Variants in GALNT6 observed in about 807,000 individuals in gnomAD.
GALNT6 encodes polypeptide N-acetylgalactosaminyltransferase 6.
A neutral mutation model predicts 65.9 loss-of-function variants in GALNT6; 51 were observed. The observed-to-expected ratio is 0.77, with a 90% CI of 0.62 to 0.98. The LOEUF is 0.98. GALNT6 is among the 50% of genes least tolerant of loss of function. The probability of loss-of-function intolerance (pLI) is 0.00; values close to 1 mark genes in which losing one functional copy is unlikely to be tolerated. For missense variants in GALNT6, 708 were observed against 803.3 expected (o/e 0.88, Z 1.43); for synonymous variants, 323 against 315.1 (o/e 1.02, Z -0.26).
At position 51,352,101 on chromosome 12, in the gene GALNT6, C is replaced by G. The variant is rs563665488; in HGVS notation, c.*2278G>C. 1 of 152,234 alleles carries G rather than the reference C, an allele frequency of 6.6e-6. No individual in the cohort carries two copies. The highest frequency in any genetic ancestry group is 1.5e-5 in the Non-Finnish European group (1 of 68,054). 9.4% of individuals were successfully genotyped at this position (152,234 alleles called of 1,614,324 possible). On this transcript the variant is annotated 3_prime_UTR_variant, in exon 12 of 12. Coordinates refer to ENST00000356317, the MANE Select transcript of GALNT6 (RefSeq NM_007210.4). ...AAGACAGCTGTGGTCCCATAGCACC[C>G]TCATCTGGTGACATCCTGCTACTGA... is the stretch of plus-strand genomic sequence containing the variant.
intron 9 of GALNT6, 114 bp from the exon 10 acceptor site, chr12:51,357,564 G>T: frequency 1.4e-6 from 1 of 696,966 alleles, no homozygotes. Flanking sequence ...AATTTGCATG[G>T]CTGGATTTCC....
rs373781227 is a variant in GALNT6 at position 51,357,415 on chromosome 12, C to A, written c.1536G>T (p.Val512=). The part of the protein sequence containing the change: ...KNLGTNQCLD[V]GENNRGGKPL... ...GCTTCCCCCCGCGGTTGTTCTCACCCACATCCAGGCATTGGTTGGTGCCGA... is the reference window on the plus strand; with the variant it reads ...GCTTCCCCCCGCGGTTGTTCTCACCAACATCCAGGCATTGGTTGGTGCCGA... The change falls in exon 10 of 12, where the codon GTG becomes GTT. Residue 512 remains valine (V), a synonymous_variant. Transcript: ENST00000356317. 9.9e-6 allele frequency: 16 copies of A among 1,613,944 alleles called. No individual in the cohort carries two copies. The highest frequency in any genetic ancestry group is 1.4e-5 in the Non-Finnish European group (16 of 1,179,918).
rs201767560 is a variant in GALNT6 at position 51,387,741 on chromosome 12, GACA to G, written c.-104+3106_-104+3108del. ...TCTCTAATCACCTAGAAGCCTTGGT[GACA>G]ACGAGACTGGGCTTGAGGGGGAGAG... On this transcript the variant is annotated intron_variant, in intron 2 of 11. Transcript: ENST00000356317. This position sits in a 1 kb window ranked among gnomAD's most constrained non-coding sequence, Gnocchi z 4.2. Among the ~76,000 whole-genome samples the G allele has an allele frequency of 0.016, 2,434 of 152,164 alleles. 29 individuals are homozygous for G. The highest frequency in any genetic ancestry group is 0.022 in the Non-Finnish European group (1,525 of 67,992).
In GALNT6 at chr12:51,360,803, G is replaced by C. The variant is rs1203962687; in HGVS notation, c.1085C>G (p.Ser362Cys). The change falls in exon 7 of 12, where the codon TCC (serine) becomes TGC (cysteine). Residue 362 changes from serine (S) to cysteine (C), a missense_variant. Coordinates refer to ENST00000356317, the MANE Select transcript of GALNT6 (RefSeq NM_007210.4). ...ACCGATGTGCTCAAAGTAGGACTTG[G>C]AGATGGAGAAGAGGCCACCAGCAAA... Reference protein sequence around the residue: ...PTFAGGLFSISKSYFEHIGTY... With the variant: ...PTFAGGLFSICKSYFEHIGTY... 2 of 1,613,604 alleles carry C rather than the reference G, an allele frequency of 1.2e-6. No homozygotes were observed. The highest frequency in any genetic ancestry group is 1.7e-6 in the Non-Finnish European group (2 of 1,179,558).
chr12:51,359,186 G>C lies in GALNT6; in HGVS notation c.1314C>G (p.Ser438Arg), dbSNP rs776752449. The C allele has an allele frequency of 6.2e-7, 1 of 1,614,160 alleles. No individual in the cohort carries two copies. The highest frequency in any genetic ancestry group is 8.5e-7 in the Non-Finnish European group (1 of 1,180,014). ...TTCTCCTATAGAAAATCTTCTTGTA[G>C]CTGTCCATCCAGACCTCTGCCAGGC... is the stretch of plus-strand genomic sequence containing the variant. ...QVRLAEVWMD[S>R]YKKIFYRRNL... The change falls in exon 8 of 12, where the codon AGC becomes AGG. Residue 438 changes from serine (S) to arginine (R), a missense_variant. Physicochemically the swap from Ser to Arg is moderately radical, Grantham distance 110 (BLOSUM62 -1). Coordinates refer to ENST00000356317, the MANE Select transcript of GALNT6 (RefSeq NM_007210.4).
chr12:51,379,399 A>G lies in GALNT6; in HGVS notation c.383T>C (p.Leu128Pro), dbSNP rs1565730826. 2.5e-6 allele frequency: 4 copies of G among 1,605,858 alleles called. No homozygotes were observed. In the Admixed American group the frequency reaches 5.1e-5, roughly 21 times the overall value. Residue 128 changes from leucine (L) to proline (P), a missense_variant, in exon 3 of 12, where the codon CTG (leucine) becomes CCG (proline). Physicochemically the swap from Leu to Pro is moderately conservative, Grantham distance 98. Coordinates refer to ENST00000356317, the MANE Select transcript of GALNT6 (RefSeq NM_007210.4). ...KAFQKSKWTP[L>P]ETQEKEEGYK... ...GCCTTCTTCCTTTTCCTGGGTCTCC[A>G]GGGGGGTCCACTTGCTCTTCTGAAA...
Position 51,367,687 on chromosome 12 carries a change from G to A in GALNT6, c.665-2108C>T, listed in dbSNP as rs77444869. ...GCTCTGAATGCAGCATTCTACAAAC[G>A]GCAGGTCCTGAAATTAAGCAGCTTA... is the stretch of plus-strand genomic sequence containing the variant. On this transcript the variant is annotated intron_variant, in intron 4 of 11. Coordinates refer to ENST00000356317, the MANE Select transcript of GALNT6 (RefSeq NM_007210.4). Among the ~76,000 whole-genome samples the A allele has an allele frequency of 5.3e-3, 803 of 152,276 alleles. 3 individuals carry two copies. The highest frequency in any genetic ancestry group is 0.01 in the Non-Finnish European group (686 of 68,026).
Position 51,375,002 on chromosome 12 carries a change from G to A in GALNT6, c.664+2193C>T, listed in dbSNP as rs1038059203. 4.0e-5 allele frequency among the ~76,000 whole-genome samples: 6 copies of A among 151,536 alleles called. No individual in the cohort carries two copies. The East Asian group carries it at 1.2e-3, about 29-fold the overall frequency. ...GGGTCATGCTCTGGCTCAGCCTCCC[G>A]AGTAGCTGGGACTACAGGCACATGC... On this transcript the variant is annotated intron_variant, in intron 4 of 11. Transcript: ENST00000356317.
chr12:51,382,842 C>T (rs1947716539), intron 2 of GALNT6, among the ~76,000 whole-genome samples: 1 of 152,018 alleles, frequency 6.6e-6, no homozygotes. Context: ...GGAAGACCCC[C>T]TTGGGTGATG....
intron 2 of GALNT6, among the ~76,000 whole-genome samples, chr12:51,381,123 C>T (rs1947656526): frequency 1.3e-5 from 2 of 152,116 alleles, no homozygotes; most frequent in Admixed American, 1.3e-4. Context: ...ACCTGTAGTC[C>T]TAGCTGCCTG....
In GALNT6 at chr12:51,379,455, G is replaced by T. The variant is rs746271976; in HGVS notation, c.327C>A (p.Asp109Glu). 2.5e-6 allele frequency: 4 copies of T among 1,614,070 alleles called. No homozygotes were observed. The highest frequency in any genetic ancestry group is 3.4e-6 in the Non-Finnish European group (4 of 1,179,942). ...TTCCATCTGCCCCAGGGGCATTGGGGTCCTGTGGTGGCCGTTCCCAGAAGG... is the reference window on the plus strand; with the variant it reads ...TTCCATCTGCCCCAGGGGCATTGGGTTCCTGTGGTGGCCGTTCCCAGAAGG... ...LKPFWERPPQDPNAPGADGKA... is the reference protein window; with the variant it reads ...LKPFWERPPQEPNAPGADGKA... The change falls in exon 3 of 12, where the codon GAC (aspartate) becomes GAA (glutamate). Residue 109 changes from aspartate (D) to glutamate (E), a missense_variant. Physicochemically the swap from Asp to Glu is conservative, Grantham distance 45 (BLOSUM62 2). Coordinates refer to ENST00000356317, the MANE Select transcript of GALNT6 (RefSeq NM_007210.4).
chr12:51,371,674 A>C (rs768672726), intron 4 of GALNT6, among the ~76,000 whole-genome samples: 2 of 152,148 alleles, frequency 1.3e-5, no homozygotes, highest in Non-Finnish European at 2.9e-5. Flanking sequence ...CTAGCCACTC[A>C]GGAATGAGGT....
chr12:51,354,990 A>G (rs1273671700), intron 11 of GALNT6, among the ~76,000 whole-genome samples: 1 of 152,148 alleles, frequency 6.6e-6, no homozygotes, highest in East Asian at 1.9e-4. Context: ...TAATGGAAAG[A>G]GCCCGTGCTT....
At position 51,380,784 on chromosome 12, in the gene GALNT6, C is replaced by A. The variant is rs1014310969; in HGVS notation, c.-103-900G>T. On this transcript the variant is annotated intron_variant, in intron 2 of 11. Transcript: ENST00000356317. The stretch of plus-strand genomic sequence containing the variant: ...CCAGCCTGGGCAACAGAGCAAGACT[C>A]CGTCTCCCCACGAAAAAAAGAAAGC... Among the ~76,000 whole-genome samples the A allele has an allele frequency of 3.3e-5, 5 of 152,088 alleles. No homozygotes were observed. In the East Asian group the frequency reaches 9.6e-4, roughly 29 times the overall value.
intron 4 of GALNT6, among the ~76,000 whole-genome samples, chr12:51,370,976 A>G (rs1028496402): frequency 6.6e-6 from 1 of 152,120 alleles, no homozygotes; most frequent in Non-Finnish European, 1.5e-5. Flanking sequence ...GCCTTTTACT[A>G]CATACACACA....
At chr12:51,370,184 C>T (rs766210367) in intron 4 of GALNT6, among the ~76,000 whole-genome samples, 1 of 152,232 alleles carries the variant, frequency 6.6e-6, no homozygotes, top group Non-Finnish European at 1.5e-5. Flanking sequence ...CCTCAGTGTC[C>T]ATCAGCGAAT....
Position 51,355,946 on chromosome 12 carries a change from T to G in GALNT6, c.1615A>C (p.Thr539Pro). 6.2e-7 allele frequency: 1 copy of G among 1,613,062 alleles called. No individual in the cohort carries two copies. The highest frequency in any genetic ancestry group is 8.5e-7 in the Non-Finnish European group (1 of 1,179,306). ...GLGGNQYFEYTTQRDLRHNIA... is the reference protein window; with the variant it reads ...GLGGNQYFEYPTQRDLRHNIA... ...TTGTGGCGAAGGTCCCTCTGAGTTG[T>G]GTACTCAAAGTACTGGAAATCAAGA... The change falls in exon 11 of 12, where the codon ACA becomes CCA. Residue 539 changes from threonine (T) to proline (P), a missense_variant. Transcript: ENST00000356317.
In GALNT6 at chr12:51,379,637, G is replaced by A. The variant is rs754653366; in HGVS notation, c.145C>T (p.Arg49Trp). 2.4e-5 allele frequency: 38 copies of A among 1,614,002 alleles called. No individual in the cohort carries two copies. The highest frequency in any genetic ancestry group is 2.8e-5 in the Non-Finnish European group (33 of 1,179,996). ...ATGAGGTCCAGGACGTGATCCTTCC[G>A]GCTCACCAGGGACTTCAGCCACGGC... ...EKPWLKSLVS[R>W]KDHVLDLMLE... Residue 49 changes from arginine (R) to tryptophan (W), a missense_variant, in exon 3 of 12, where the codon CGG becomes TGG. By Grantham distance (101) the Arg-to-Trp change is moderately radical. Transcript: ENST00000356317.
intron 5 of GALNT6, 95 bp downstream of exon 5, chr12:51,365,335 G>T: frequency 8.2e-7 from 1 of 1,221,356 alleles, no homozygotes; most frequent in Non-Finnish European, 1.1e-6. Context: ...CCGGAAGAGA[G>T]AACAGGAAGG....
Sources: allele counts gnomAD v4.1 joint callset (sites outside exome capture counted in the v4.1 genomes callset), GRCh38; gene constraint gnomAD v4.1.1; non-coding constraint Gnocchi (gnomAD v3.1); transcripts MANE v1.5; gene names NCBI Gene and HGNC (gene_info 2026-07-23, HGNC 2026-07-21).